ARVCF: variants seen among roughly 807,000 people sequenced by gnomAD.
ARVCF encodes ARVCF delta catenin family member.
Under a neutral mutation model 90.9 loss-of-function variants are expected in ARVCF, and 66 were observed. That is an observed-to-expected ratio of 0.73 (90% CI 0.60 to 0.89). The LOEUF is 0.89. Among genes scored for constraint, ARVCF ranks in the 40% least tolerant of loss-of-function variants. The probability of loss-of-function intolerance (pLI) is 0.00; values close to 1 mark genes in which losing one functional copy is unlikely to be tolerated. For synonymous variants in ARVCF, 653 were observed against 603.4 expected, an observed-to-expected ratio of 1.08 and a Z score of -1.21; for missense variants, 1,469 against 1,382.3, an observed-to-expected ratio of 1.06 and a Z score of -1.00.
At chr22:20,016,567 C>T (rs1203638265) in intron 1 of ARVCF, 22 bp downstream of exon 1, 1 of 151,934 alleles carries the variant, frequency 6.6e-6, no homozygotes, top group Non-Finnish European at 1.5e-5. Context: ...GTCCCACACC[C>T]CGCCCACTGG....
At chr22:19,987,032 G>A (rs1183332714) in intron 3 of ARVCF, 2 of 651,850 alleles carry the variant, frequency 3.1e-6, no homozygotes, top group Non-Finnish European at 5.6e-6. Flanking sequence ...CTCTGCCTCC[G>A]ACCCCGGGCC....
At chr22:20,008,617 C>A (rs1186530455) in intron 2 of ARVCF, among the ~76,000 whole-genome samples, 1 of 152,188 alleles carries the variant, frequency 6.6e-6, no homozygotes, top group African/African-American at 2.4e-5. Context: ...TTTACATCAG[C>A]CCCTGTCCCA....
chr22:20,003,261 C>T (rs143860140), intron 2 of ARVCF, among the ~76,000 whole-genome samples: 19 of 152,318 alleles, frequency 1.2e-4, no homozygotes, highest in African/African-American at 3.6e-4. Context: ...GATGGTTTCA[C>T]TGGTGTATTC....
chr22:19,965,856 G>A (rs1942363362), downstream of ARVCF, among the ~76,000 whole-genome samples: 1 of 152,146 alleles, frequency 6.6e-6, no homozygotes, highest in Non-Finnish European at 1.5e-5. Flanking sequence ...CCAAGACAGG[G>A]TAGCTGGAGG....
chr22:19,966,436 TAAAAAAAAAA>T (rs362115), downstream of ARVCF, among the ~76,000 whole-genome samples: 1 of 135,306 alleles, frequency 7.4e-6, no homozygotes, highest in Admixed American at 7.4e-5. Context: ...AGTTCCCCCT[TAAAAAAAAAA>T]AAAAAAAAAG....
At chr22:19,976,018 C>A (rs1478480560) in intron 10 of ARVCF, among the ~76,000 whole-genome samples, 1 of 152,054 alleles carries the variant, frequency 6.6e-6, no homozygotes, top group African/African-American at 2.4e-5. Context: ...GGGAGCTGTA[C>A]CACAGACCCT....
chr22:19,994,274 G>A (rs1030108034), intron 2 of ARVCF, among the ~76,000 whole-genome samples: 1 of 151,042 alleles, frequency 6.6e-6, no homozygotes, highest in Admixed American at 6.6e-5. Context: ...TGAATGGGTC[G>A]GGGGGATGCT....
chr22:20,003,930 T>C (rs1266043930), intron 2 of ARVCF, among the ~76,000 whole-genome samples: 1 of 152,174 alleles, frequency 6.6e-6, no homozygotes, highest in Non-Finnish European at 1.5e-5. Flanking sequence ...AAACCATCTC[T>C]GTTCATAGAC....
Position 19,989,455 on chromosome 22 carries a change from G to C in ARVCF, c.210+1130C>G, listed in dbSNP as rs115055250. On this transcript the variant is annotated intron_variant, in intron 3 of 19. Transcript: ENST00000263207. ...CCCCAGGTCCCTCGGCCTGACACAGGCTGCTGGTTCTGAGCCCCACATGCC... is the reference window on the plus strand; with the variant it reads ...CCCCAGGTCCCTCGGCCTGACACAGCCTGCTGGTTCTGAGCCCCACATGCC... Among the ~76,000 whole-genome samples, 938 of 152,264 alleles carry C rather than the reference G, an allele frequency of 6.2e-3. 11 individuals are homozygous for C. The highest frequency in any genetic ancestry group is 0.021 in the African/African-American group (889 of 41,556).
intron 2 of ARVCF, among the ~76,000 whole-genome samples, chr22:20,010,127 G>A (rs1944773424): frequency 6.6e-6 from 1 of 152,226 alleles, no homozygotes; most frequent in African/African-American, 2.4e-5. Context: ...AGCTCAGGCA[G>A]GTGAAGAGCA....
Position 19,980,114 on chromosome 22 carries a change from C to T in ARVCF, c.1025G>A (p.Arg342His), listed in dbSNP as rs773794919. The change falls in exon 6 of 20, where the codon CGC becomes CAC. Residue 342 changes from arginine to histidine, a missense_variant. Coordinates refer to ENST00000263207, the MANE Select transcript of ARVCF (RefSeq NM_001670.3). ...SMGSLDRLVR[R>H]SPSVDSARKE... Reference sequence around the variant, plus strand: ...GCGGGCGCTATCCACTGAGGGCGAGCGCCGCACCAGCCGGTCCAGGCTGCC... The same window carrying T: ...GCGGGCGCTATCCACTGAGGGCGAGTGCCGCACCAGCCGGTCCAGGCTGCC... The T allele has an allele frequency of 1.4e-5, 23 of 1,587,024 alleles. No homozygotes were observed. Among genetic ancestry groups the T allele is most frequent in the Admixed American group, 1.0e-4 (6 of 58,668 alleles).
chr22:19,999,371 GATCC>G (rs900618723), intron 2 of ARVCF, among the ~76,000 whole-genome samples: 2 of 152,194 alleles, frequency 1.3e-5, no homozygotes, highest in African/African-American at 2.4e-5. Context: ...CCCAGGGAGA[GATCC>G]ATCCTTTTGT....
intron 2 of ARVCF, among the ~76,000 whole-genome samples, chr22:19,996,566 T>G (rs1038230412): frequency 3.3e-5 from 5 of 152,202 alleles, no homozygotes; most frequent in African/African-American, 1.2e-4. Context: ...ATCGACATGT[T>G]GGGATCAAGT....
At position 19,973,180 on chromosome 22, in the gene ARVCF, T is replaced by C. The variant is rs1351667430; in HGVS notation, c.2377A>G (p.Asn793Asp). The change falls in exon 14 of 20, where the codon AAC (asparagine) becomes GAC (aspartate). Residue 793 changes from asparagine to aspartate, a missense_variant. Physicochemically the swap from Asn to Asp is conservative, Grantham distance 23. Transcript: ENST00000263207. ...CGTGCCTGCAGGAGCGAGCGCGCGT[T>C]ATCCAGGCTGTCGGACACGATTTCG... is the stretch of plus-strand genomic sequence containing the variant. The part of the protein sequence containing the change: ...IHEIVSDSLD[N>D]ARSLLQARGV... 1 of 1,610,884 alleles carries C rather than the reference T, an allele frequency of 6.2e-7. No homozygotes were observed. Among genetic ancestry groups the C allele is most frequent in the Non-Finnish European group, 8.5e-7 (1 of 1,179,276 alleles).
chr22:19,976,874 G>A, intron 9 of ARVCF, 151 bp from the exon 10 acceptor site: 1 of 923,656 alleles, frequency 1.1e-6, no homozygotes, highest in Non-Finnish European at 1.7e-6. Flanking sequence ...TCACTTCTGG[G>A]CACTGAGCAC....
intron 2 of ARVCF, among the ~76,000 whole-genome samples, chr22:19,994,301 GATGA>G (rs1255468607): frequency 1.4e-5 from 2 of 144,388 alleles, no homozygotes; most frequent in Admixed American, 1.4e-4. Flanking sequence ...TGAACTTATA[GATGA>G]ATGAATGGAT....
chr22:19,973,275 G>GCATTGCGCA lies in ARVCF; in HGVS notation c.2273_2281dup (p.Val758_Asn760dup). ...GGCCCCCGGTCGCGGCGGAGCCTGTGCATTGCGCACATTCCGCACAAGCTC... is the reference window on the plus strand; with the variant it reads ...GGCCCCCGGTCGCGGCGGAGCCTGTGCATTGCGCACATTGCGCACATTCCGCACAAGCTC... On this transcript the variant is annotated inframe_insertion, in exon 14 of 20. Transcript: ENST00000263207. 2 of 1,607,706 alleles carry GCATTGCGCA rather than the reference G, an allele frequency of 1.2e-6. No homozygotes were observed. Among genetic ancestry groups the GCATTGCGCA allele is most frequent in the South Asian group, 1.1e-5 (1 of 90,384 alleles).
At position 19,972,801 on chromosome 22, in the gene ARVCF, A is replaced by C. The variant is rs766473610; in HGVS notation, c.2577T>G (p.Pro859=). ...FQSAAATAKG[P]KGALSPGGFD... is the part of the protein sequence containing the mutation. Reference sequence around the variant, plus strand: ...AGCCCCCAGGACTCAGTGCTCCCTTAGGCCCCTTGGCAGTAGCAGCAGCTG... The same window carrying C: ...AGCCCCCAGGACTCAGTGCTCCCTTCGGCCCCTTGGCAGTAGCAGCAGCTG... The change falls in exon 16 of 20, where the codon CCT becomes CCG. Residue 859 remains proline (P), a synonymous_variant. Coordinates refer to ENST00000263207, the MANE Select transcript of ARVCF (RefSeq NM_001670.3). 6.2e-7 allele frequency: 1 copy of C among 1,613,580 alleles called. No homozygotes were observed. The highest frequency in any genetic ancestry group is 1.1e-5 in the South Asian group (1 of 91,062).
chr22:20,008,111 T>C (rs115608310), intron 2 of ARVCF, among the ~76,000 whole-genome samples: 3,480 of 152,250 alleles, frequency 0.023, 80 homozygotes, highest in East Asian at 0.085. Flanking sequence ...AAATGTGCAG[T>C]AGGCAGAAAG....
Sources: gnomAD v4.1 joint callset for allele counts (sites outside exome capture counted in the v4.1 genomes callset) on GRCh38, gnomAD v4.1.1 for gene constraint, MANE v1.5 for transcripts, NCBI Gene and HGNC (gene_info 2026-07-23, HGNC 2026-07-21) for gene names.